CRYBG1: variants seen among roughly 807,000 people sequenced by gnomAD.
The protein encoded by CRYBG1 is crystallin beta-gamma domain containing 1, also known as beta/gamma crystallin domain-containing protein 1.
A neutral mutation model predicts 189.2 loss-of-function variants in CRYBG1; 139 were observed. The observed-to-expected ratio is 0.73, with a 90% confidence interval of 0.64 to 0.85. The LOEUF is 0.85. CRYBG1 is among the 40% of genes least tolerant of loss of function. The probability of loss-of-function intolerance (pLI) is 0.00; values close to 1 mark genes in which losing one functional copy is unlikely to be tolerated. For missense variants in CRYBG1, 2,611 were observed against 2,675.8 expected (o/e 0.98, Z 0.53); for synonymous variants, 1,023 against 1,017.1 (o/e 1.01, Z -0.11).
chr6:106,547,660 G>A (rs1394776693), intron 13 of CRYBG1, among the ~76,000 whole-genome samples: 3 of 152,092 alleles, frequency 2.0e-5, no homozygotes, highest in Non-Finnish European at 4.4e-5. Context: ...TCTTATTATG[G>A]CATGCATTGT....
Position 106,512,699 on chromosome 6 carries a change from C to A in CRYBG1, c.1582C>A (p.Pro528Thr), listed in dbSNP as rs1485992763. Residue 528 changes from proline (P) to threonine (T), a missense_variant, in exon 3 of 22, where the codon CCG becomes ACG. Coordinates refer to ENST00000633556, the MANE Select transcript of CRYBG1 (RefSeq NM_001371242.2). ...RSRALEAVPAPPASGPRAPAK... is the reference protein window; with the variant it reads ...RSRALEAVPATPASGPRAPAK... The stretch of plus-strand genomic sequence containing the variant: ...CCGTGCCCTCGAGGCCGTGCCCGCC[C>A]CGCCCGCCAGCGGCCCCCGGGCTCC... The A allele has an allele frequency of 6.5e-7, 1 of 1,547,738 alleles. No individual in the cohort carries two copies. Among genetic ancestry groups the A allele is most frequent in the East Asian group, 2.4e-5 (1 of 41,508 alleles).
intron 2 of CRYBG1, among the ~76,000 whole-genome samples, chr6:106,477,319 G>A (rs1772352045): frequency 6.6e-6 from 1 of 152,188 alleles, no homozygotes; most frequent in Admixed American, 6.5e-5. Flanking sequence ...GAAAGAGGAG[G>A]TTTAGAGGCA....
intron 2 of CRYBG1, among the ~76,000 whole-genome samples, chr6:106,460,551 G>A (rs1456828433): frequency 6.6e-6 from 1 of 152,050 alleles, no homozygotes; most frequent in Non-Finnish European, 1.5e-5. Flanking sequence ...GTTTATGGGG[G>A]TGGGGAATTG....
intron 15 of CRYBG1, among the ~76,000 whole-genome samples, chr6:106,552,834 C>T (rs1305419114): frequency 3.3e-5 from 5 of 152,070 alleles, no homozygotes; most frequent in African/African-American, 4.8e-5. Flanking sequence ...CAAACAATAG[C>T]ATCTAGTTAT....
At chr6:106,439,134 C>A (rs9486341) in intron 1 of CRYBG1, among the ~76,000 whole-genome samples, 16,663 of 149,970 alleles carry the variant, frequency 0.11, 1,059 homozygotes, top group Middle Eastern at 0.17. Context: ...AAGAAAAAAA[C>A]GGATGACAGA....
At chr6:106,437,456 T>C (rs1221522750) in intron 1 of CRYBG1, among the ~76,000 whole-genome samples, 3 of 152,130 alleles carry the variant, frequency 2.0e-5, no homozygotes, top group South Asian at 4.1e-4. Context: ...TTTTAAGAGA[T>C]AGCATCTCAC....
At chr6:106,422,291 C>G (rs1188436334) in intron 1 of CRYBG1, among the ~76,000 whole-genome samples, 1 of 148,190 alleles carries the variant, frequency 6.7e-6, no homozygotes, top group African/African-American at 2.6e-5. Flanking sequence ...TGGTTTAATA[C>G]CTTTCTAATC....
chr6:106,492,727 C>T (rs769368784), intron 2 of CRYBG1, among the ~76,000 whole-genome samples: 4 of 151,956 alleles, frequency 2.6e-5, no homozygotes, highest in Non-Finnish European at 5.9e-5. Flanking sequence ...AACAATATCC[C>T]CTTGTATTGT....
At chr6:106,443,108 T>C (rs1272091968) in intron 1 of CRYBG1, among the ~76,000 whole-genome samples, 1 of 152,160 alleles carries the variant, frequency 6.6e-6, no homozygotes, top group Non-Finnish European at 1.5e-5. Context: ...AGAAGTAGGA[T>C]AGTAGTGGTT....
At chr6:106,438,468 G>T (rs940594649) in intron 1 of CRYBG1, among the ~76,000 whole-genome samples, 6 of 152,072 alleles carry the variant, frequency 3.9e-5, no homozygotes, top group Admixed American at 6.5e-5. Context: ...TCTAGGGAAG[G>T]ATCCCTCCTT....
In CRYBG1 at chr6:106,569,001, G is replaced by C. The variant is rs1441011071; in HGVS notation, c.*435G>C. 6.2e-6 allele frequency: 1 copy of C among 160,540 alleles called. No homozygotes were observed. Among genetic ancestry groups the C allele is most frequent in the African/African-American group, 2.4e-5 (1 of 41,584 alleles). The allele number at this position is 160,540 out of a possible 1,614,324, so 9.9% of individuals were successfully genotyped here. A position where few individuals can be genotyped will look rare whatever the true frequency, so the allele number is the denominator to read the frequency against. On this transcript the variant is annotated 3_prime_UTR_variant, in exon 22 of 22. Coordinates refer to ENST00000633556, the MANE Select transcript of CRYBG1 (RefSeq NM_001371242.2). ...GACAAAGGCTTAAGTTTGAAAGGTA[G>C]AGAACTGTTTAGCATCTGAGAAGAA...
At chr6:106,377,530 G>A (rs1770191719) in intron 1 of CRYBG1, among the ~76,000 whole-genome samples, 2 of 151,348 alleles carry the variant, frequency 1.3e-5, no homozygotes, top group South Asian at 4.1e-4. Context: ...TGTTTTCTGT[G>A]ATTACCAGGT....
At chr6:106,413,078 T>G (rs12207671) in intron 1 of CRYBG1, among the ~76,000 whole-genome samples, 12,054 of 152,216 alleles carry the variant, frequency 0.079, 630 homozygotes, top group East Asian at 0.15. Context: ...AACAACATTC[T>G]CAGGTAACCC....
At chr6:106,564,411 A>G (rs961452743) in intron 21 of CRYBG1, among the ~76,000 whole-genome samples, 1 of 152,266 alleles carries the variant, frequency 6.6e-6, no homozygotes, top group Non-Finnish European at 1.5e-5. Context: ...TAAGATCTCA[A>G]AGGAATTAAC....
At chr6:106,541,321 C>A in intron 9 of CRYBG1, 1 of 611,394 alleles carries the variant, frequency 1.6e-6, no homozygotes. Flanking sequence ...ATAAATTTTC[C>A]AAGTTAAAAA....
At position 106,511,453 on chromosome 6, in the gene CRYBG1, C is replaced by G; in HGVS notation, c.336C>G (p.Asp112Glu). Residue 112 changes from aspartate (D) to glutamate (E), a missense_variant, in exon 3 of 22, where the codon GAC (aspartate) becomes GAG (glutamate). Asp to Glu is a conservative substitution (Grantham distance 45, BLOSUM62 2). This residue lies in a region of CRYBG1 where 985 missense variants were observed against 924.4 expected (regional missense o/e 1.07). Coordinates refer to ENST00000633556, the MANE Select transcript of CRYBG1 (RefSeq NM_001371242.2). Reference sequence around the variant, plus strand: ...AGTCCAGAGCACAACCTCCAGAAGACAACAGAAGGAAGCCAGTTTTGGGGA... The same window carrying G: ...AGTCCAGAGCACAACCTCCAGAAGAGAACAGAAGGAAGCCAGTTTTGGGGA... ...FKKSRAQPPE[D>E]NRRKPVLGKL... 1 of 1,535,752 alleles carries G rather than the reference C, an allele frequency of 6.5e-7. No homozygotes were observed.
At chr6:106,463,057 G>C (rs973503177) in intron 2 of CRYBG1, among the ~76,000 whole-genome samples, 1 of 152,202 alleles carries the variant, frequency 6.6e-6, no homozygotes, top group African/African-American at 2.4e-5. Context: ...GGGAGGCTCA[G>C]GTGGGAGGAT....
intron 1 of CRYBG1, among the ~76,000 whole-genome samples, chr6:106,410,859 G>A (rs1245525910): frequency 6.6e-6 from 1 of 152,154 alleles, no homozygotes; most frequent in South Asian, 2.1e-4. Flanking sequence ...GGACTGTTGT[G>A]GGGTGGGGAG....
chr6:106,512,513 A>G lies in CRYBG1; in HGVS notation c.1396A>G (p.Lys466Glu). The stretch of plus-strand genomic sequence containing the variant: ...CAGCGATAACGCCTCGGCGGAAAAG[A>G]AAGTGAAATCTCCGCGGGCAGCCCT... ...AASDNASAEK[K>E]VKSPRAALDG... The change falls in exon 3 of 22, where the codon AAA becomes GAA. Residue 466 changes from lysine to glutamate, a missense_variant. Transcript: ENST00000633556. The G allele has an allele frequency of 1.2e-6, 2 of 1,610,982 alleles. No individual in the cohort carries two copies. The highest frequency in any genetic ancestry group is 1.7e-4 in the Middle Eastern group (1 of 6,052).
Sources: allele counts gnomAD v4.1 joint callset (sites outside exome capture counted in the v4.1 genomes callset), GRCh38; gene constraint gnomAD v4.1.1; regional missense constraint gnomAD v4.1.1; transcripts MANE v1.5; gene names NCBI Gene and HGNC (gene_info 2026-07-23, HGNC 2026-07-21).